Variants in FOXJ3 observed in about 807,000 individuals in gnomAD.
FOXJ3 encodes forkhead box J3, also known as forkhead box protein J3.
Under a neutral mutation model 76.1 loss-of-function variants are expected in FOXJ3, and 22 were observed. The observed-to-expected ratio is 0.29, with a 90% CI of 0.21 to 0.41. The LOEUF is 0.41. Among genes scored for constraint, FOXJ3 ranks in the 10% least tolerant of loss-of-function variants. The pLI is 1.00. For missense variants in FOXJ3, 613 were observed against 762.1 expected (o/e 0.80, Z 2.30); for synonymous variants, 269 against 261.2 (o/e 1.03, Z -0.29).
chr1:42,234,600 G>T (rs1648438312), intron 4 of FOXJ3, among the ~76,000 whole-genome samples: 1 of 152,164 alleles, frequency 6.6e-6, no homozygotes, highest in African/African-American at 2.4e-5. Context: ...CTTTCTGTTT[G>T]TTAGTTTTCC....
intron 5 of FOXJ3, among the ~76,000 whole-genome samples, chr1:42,210,867 T>C (rs761364729): frequency 6.6e-6 from 1 of 151,970 alleles, no homozygotes; most frequent in Non-Finnish European, 1.5e-5. Flanking sequence ...ACTGAGCAGC[T>C]ACACCCAGAA....
At chr1:42,295,212 C>T (rs1653705076) in intron 2 of FOXJ3, among the ~76,000 whole-genome samples, 1 of 152,064 alleles carries the variant, frequency 6.6e-6, no homozygotes, top group African/African-American at 2.4e-5. Context: ...CATCCTCCTC[C>T]CACCCTCCCC....
chr1:42,228,566 CAAAAAA>C (rs10640179), intron 4 of FOXJ3, among the ~76,000 whole-genome samples: 1 of 130,258 alleles, frequency 7.7e-6, no homozygotes, highest in East Asian at 2.2e-4. Flanking sequence ...TGTGACTCTC[CAAAAAA>C]AAAAAAAAAA....
intron 2 of FOXJ3, among the ~76,000 whole-genome samples, chr1:42,308,191 A>G (rs1480267377): frequency 6.6e-6 from 1 of 152,150 alleles, no homozygotes; most frequent in African/African-American, 2.4e-5. Flanking sequence ...TCCTGTCTTG[A>G]GGTTAGCCAC....
intron 11 of FOXJ3, among the ~76,000 whole-genome samples, chr1:42,186,004 T>C (rs777548297): frequency 4.6e-5 from 7 of 152,130 alleles, no homozygotes; most frequent in Non-Finnish European, 7.3e-5. Flanking sequence ...GTAAGTCACT[T>C]TCTCCCCCTG....
Position 42,237,435 on chromosome 1 carries a change from TAC to T in FOXJ3, c.445-9471_445-9470del, listed in dbSNP as rs1365631443. On this transcript the variant is annotated intron_variant, in intron 4 of 12. Transcript: ENST00000361346. ...ATATATATATATATATATACATACA[TAC>T]ATATATATATATACACATACATACA... Among the ~76,000 whole-genome samples, 271 of 144,238 alleles carry T rather than the reference TAC, an allele frequency of 1.9e-3. 1 individual carries two copies. The highest frequency in any genetic ancestry group is 5.3e-3 in the African/African-American group (208 of 39,046). 94.6% of individuals were successfully genotyped at this position (144,238 alleles called of 152,430 possible). A position where few individuals can be genotyped will look rare whatever the true frequency, so the allele number is the denominator to read the frequency against.
intron 4 of FOXJ3, among the ~76,000 whole-genome samples, chr1:42,231,921 T>C (rs190304910): frequency 3.3e-5 from 5 of 152,320 alleles, no homozygotes; most frequent in African/African-American, 1.2e-4. Flanking sequence ...TAACATTAGG[T>C]ATATCTCCTA....
intron 1 of FOXJ3, among the ~76,000 whole-genome samples, chr1:42,332,707 A>G (rs1437071283): frequency 6.6e-6 from 1 of 152,096 alleles, no homozygotes; most frequent in East Asian, 1.9e-4. Context: ...CACCAATCCT[A>G]AACTCATTTA....
At chr1:42,271,926 G>A (rs908793446) in intron 3 of FOXJ3, among the ~76,000 whole-genome samples, 3 of 152,304 alleles carry the variant, frequency 2.0e-5, no homozygotes, top group South Asian at 2.1e-4. Flanking sequence ...TTATAGGCAT[G>A]AGCCATGAGC....
At chr1:42,310,536 C>T (rs749445119) in intron 2 of FOXJ3, among the ~76,000 whole-genome samples, 19 of 151,844 alleles carry the variant, frequency 1.3e-4, no homozygotes, top group Admixed American at 3.9e-4. Flanking sequence ...CAACCTCCGC[C>T]TACCAGGTTC....
chr1:42,227,837 G>C (rs770026270), intron 5 of FOXJ3, 46 bp downstream of exon 5: 2 of 1,021,342 alleles, frequency 2.0e-6, no homozygotes, highest in South Asian at 3.6e-5. Flanking sequence ...CTGTATTTCA[G>C]ACATATTCAA....
In FOXJ3 at chr1:42,311,650, A is replaced by AAGTAGTGGTAGT. The variant is rs1553169327; in HGVS notation, c.-17-541_-17-540insACTACCACTACT. Among the ~76,000 whole-genome samples, 128 of 149,508 alleles carry AAGTAGTGGTAGT rather than the reference A, an allele frequency of 8.6e-4. 2 individuals carry two copies. The highest frequency in any genetic ancestry group is 8.0e-3 in the Admixed American group (120 of 14,938). Reference sequence around the variant, plus strand: ...AAACAGTTCCATTGCTTTAAAAAAAAAGTAGTAGTAGTAGTAGTAGTAGTA... The same window carrying AAGTAGTGGTAGT: ...AAACAGTTCCATTGCTTTAAAAAAAAAGTAGTGGTAGTAGTAGTAGTAGTAGTAGTAGTAGTA... On this transcript the variant is annotated intron_variant, in intron 1 of 12. Coordinates refer to ENST00000361346, the MANE Select transcript of FOXJ3 (RefSeq NM_014947.5).
chr1:42,195,382 G>A (rs534647386), intron 7 of FOXJ3, among the ~76,000 whole-genome samples: 1 of 152,150 alleles, frequency 6.6e-6, no homozygotes, highest in African/African-American at 2.4e-5. Flanking sequence ...CCTTTCTGTA[G>A]AATCTTCAAT....
chr1:42,213,074 T>G (rs1646998332), intron 5 of FOXJ3, among the ~76,000 whole-genome samples: 2 of 150,988 alleles, frequency 1.3e-5, no homozygotes, highest in Non-Finnish European at 2.9e-5. Context: ...CAAGAAATGC[T>G]AAAAGGAGTT....
intron 3 of FOXJ3, among the ~76,000 whole-genome samples, chr1:42,268,685 T>C (rs1272545959): frequency 6.6e-6 from 1 of 152,186 alleles, no homozygotes; most frequent in Non-Finnish European, 1.5e-5. Flanking sequence ...AGACGTGGTT[T>C]ATAAAATTCT....
chr1:42,235,907 C>G (rs1648589164), intron 4 of FOXJ3, among the ~76,000 whole-genome samples: 1 of 152,066 alleles, frequency 6.6e-6, no homozygotes, highest in South Asian at 2.1e-4. Context: ...AGGTTGGTCT[C>G]AAACTCTTGG....
chr1:42,228,566 CAAA>C (rs10640179), intron 4 of FOXJ3, among the ~76,000 whole-genome samples: 1 of 130,258 alleles, frequency 7.7e-6, no homozygotes. Context: ...TGTGACTCTC[CAAA>C]AAAAAAAAAA....
chr1:42,319,980 A>G (rs1257651914), intron 1 of FOXJ3, among the ~76,000 whole-genome samples: 2 of 152,204 alleles, frequency 1.3e-5, no homozygotes, highest in Non-Finnish European at 2.9e-5. Flanking sequence ...GCCAATAAAA[A>G]AGTTTCATAC....
At chr1:42,327,332 T>C (rs1416697671) in intron 1 of FOXJ3, among the ~76,000 whole-genome samples, 1 of 152,200 alleles carries the variant, frequency 6.6e-6, no homozygotes, top group Admixed American at 6.5e-5. Context: ...ATTCACCTCC[T>C]GCCGTAACAG....
Sources: gnomAD v4.1 joint callset for allele counts (sites outside exome capture counted in the v4.1 genomes callset) on GRCh38, gnomAD v4.1.1 for gene constraint, MANE v1.5 for transcripts, NCBI Gene and HGNC (gene_info 2026-07-23, HGNC 2026-07-21) for gene names.